PAX3: variants seen among roughly 807,000 people sequenced by gnomAD.
PAX3 encodes paired box 3, also known as paired box protein Pax-3.
In PAX3, 14 loss-of-function variants were observed where a neutral mutation model predicts 51.6. The ratio of observed to expected loss-of-function variants is 0.27; its 90% CI spans 0.18 to 0.42. The LOEUF (loss-of-function observed/expected upper bound fraction) is 0.42. Ranked by LOEUF, PAX3 falls within the 10% of genes least tolerant of loss-of-function variation. PAX3 has a pLI of 1.00. For synonymous variants in PAX3, 280 were observed against 253.4 expected (o/e 1.11, Z -1.00); for missense variants, 540 against 642.8 (o/e 0.84, Z 1.73).
At position 222,200,352 on chromosome 2, in the gene PAX3, A is replaced by G. The variant is rs1378262703; in HGVS notation, c.*1056T>C. 4.5e-6 allele frequency: 1 copy of G among 223,882 alleles called. No individual in the cohort carries two copies. Among genetic ancestry groups the G allele is most frequent in the African/African-American group, 2.2e-5 (1 of 44,844 alleles). The allele number at this position is 223,882 out of a possible 1,614,324, so 13.9% of individuals were successfully genotyped here. A position where few individuals can be genotyped will look rare whatever the true frequency, so the allele number is the denominator to read the frequency against. On this transcript the variant is annotated 3_prime_UTR_variant, in exon 9 of 9. Transcript: ENST00000392070. ...TTGCCCTGCCTTTCATAGAAAAGAG[A>G]AGAATGTAAACGTAATCAGTTTAAA... is the stretch of plus-strand genomic sequence containing the variant.
At chr2:222,291,092 C>T (rs945234270) in intron 4 of PAX3, among the ~76,000 whole-genome samples, 32 of 152,170 alleles carry the variant, frequency 2.1e-4, no homozygotes, top group African/African-American at 7.7e-4. Flanking sequence ...GCGCAGAGCA[C>T]AGGAGTGGGG....
intron 7 of PAX3, among the ~76,000 whole-genome samples, chr2:222,210,598 A>G (rs1691687689): frequency 6.6e-6 from 1 of 152,140 alleles, no homozygotes; most frequent in African/African-American, 2.4e-5. Flanking sequence ...AGTTTTCATT[A>G]TAGTGGGTTC....
intron 4 of PAX3, among the ~76,000 whole-genome samples, chr2:222,261,483 G>A (rs906110201): frequency 6.6e-6 from 1 of 151,718 alleles, no homozygotes; most frequent in Non-Finnish European, 1.5e-5. Context: ...ACTATGCAAT[G>A]AAATTCTACA....
At chr2:222,245,195 G>A (rs139156568) in intron 4 of PAX3, among the ~76,000 whole-genome samples, 1 of 152,244 alleles carries the variant, frequency 6.6e-6, no homozygotes, top group African/African-American at 2.4e-5. Context: ...AGCTATGAAA[G>A]TAAATAAATT....
chr2:222,229,286 GTAT>G (rs1692498349), intron 5 of PAX3, among the ~76,000 whole-genome samples: 3 of 149,600 alleles, frequency 2.0e-5, no homozygotes, highest in East Asian at 3.9e-4. Context: ...TATTTATATA[GTAT>G]TATATAATAT....
chr2:222,280,084 G>A (rs775050273), intron 4 of PAX3, among the ~76,000 whole-genome samples: 8 of 151,952 alleles, frequency 5.3e-5, no homozygotes, highest in Admixed American at 3.3e-4. Flanking sequence ...GGTGGTGCGC[G>A]CCTGTAATCC....
Position 222,281,561 on chromosome 2 carries a change from T to C in PAX3, c.586+12606A>G, listed in dbSNP as rs550513005. Among the ~76,000 whole-genome samples the C allele has an allele frequency of 1.1e-4, 16 of 152,338 alleles. No homozygotes were observed. In the South Asian group the frequency reaches 1.4e-3, roughly 14 times the overall value. On this transcript the variant is annotated intron_variant, in intron 4 of 8. Coordinates refer to ENST00000392070, the MANE Select transcript of PAX3 (RefSeq NM_181458.4). Reference sequence around the variant, plus strand: ...TCAGTAACCTAAAGCTTGGCCACTATGGGCCTAGAAGCAAATTATTTTATA... The same window carrying C: ...TCAGTAACCTAAAGCTTGGCCACTACGGGCCTAGAAGCAAATTATTTTATA...
chr2:222,202,272 A>G, intron 7 of PAX3, 82 bp from the exon 8 acceptor site: 1 of 1,077,190 alleles, frequency 9.3e-7, no homozygotes, highest in Admixed American at 2.0e-5. Flanking sequence ...ATAACTTGAC[A>G]GTCCAGTTTT....
intron 4 of PAX3, among the ~76,000 whole-genome samples, chr2:222,255,754 G>C (rs1693613697): frequency 6.6e-6 from 1 of 150,834 alleles, no homozygotes; most frequent in Non-Finnish European, 1.5e-5. Context: ...GTCTGTAATA[G>C]AATAGTAACA....
intron 4 of PAX3, among the ~76,000 whole-genome samples, chr2:222,249,406 A>G (rs974495725): frequency 6.6e-6 from 1 of 151,956 alleles, no homozygotes; most frequent in African/African-American, 2.4e-5. Flanking sequence ...TCCCATTTTC[A>G]TCTTCAGTCT....
chr2:222,202,613 A>G (rs941190405), intron 7 of PAX3, among the ~76,000 whole-genome samples: 7 of 152,202 alleles, frequency 4.6e-5, no homozygotes, highest in Non-Finnish European at 1.5e-5. Flanking sequence ...GTGATTTTTA[A>G]ACAGTCATTT....
chr2:222,298,598 G>T lies in PAX3; in HGVS notation c.18C>A (p.Gly6=). The change falls in exon 1 of 9, where the codon GGC becomes GGA. Residue 6 remains glycine, a synonymous_variant. Transcript: ENST00000392070. ...CCGGCCGCATCATCCTGGGCACAGCGCCGGCCAGCGTGGTCATCCTGGGGG... is the reference window on the plus strand; with the variant it reads ...CCGGCCGCATCATCCTGGGCACAGCTCCGGCCAGCGTGGTCATCCTGGGGG... MTTLA[G]AVPRMMRPGP... 1 of 1,606,590 alleles carries T rather than the reference G, an allele frequency of 6.2e-7. No individual in the cohort carries two copies. Among genetic ancestry groups the T allele is most frequent in the Non-Finnish European group, 8.5e-7 (1 of 1,176,960 alleles).
intron 4 of PAX3, among the ~76,000 whole-genome samples, chr2:222,266,615 T>C (rs1694064223): frequency 6.6e-6 from 1 of 152,238 alleles, no homozygotes; most frequent in African/African-American, 2.4e-5. Context: ...TAACAGCTGC[T>C]ACACAATCTC....
intron 4 of PAX3, among the ~76,000 whole-genome samples, chr2:222,266,018 G>T (rs1444195721): frequency 6.6e-6 from 1 of 152,160 alleles, no homozygotes; most frequent in Non-Finnish European, 1.5e-5. Flanking sequence ...CAGGTTTTGC[G>T]GAGCTTGAAG....
intron 4 of PAX3, chr2:222,264,206 C>T (rs1292682362): frequency 6.6e-6 from 1 of 152,172 alleles, no homozygotes; most frequent in East Asian, 1.9e-4. Flanking sequence ...GAATATTATT[C>T]AGCCATAAAA....
In PAX3 at chr2:222,201,724, G is replaced by A. The variant is rs45624434; in HGVS notation, c.1420+220C>T. 2.1e-3 allele frequency: 3,011 copies of A among 1,459,256 alleles called. 50 individuals carry two copies. The African/African-American group carries it at 0.038, about 19-fold the overall frequency. The allele number at this position is 1,459,256 out of a possible 1,614,324, so 90.4% of individuals were successfully genotyped here. On this transcript the variant is annotated intron_variant, in intron 8 of 8. Transcript: ENST00000392070. ...TTACCTAGTGGCAATCAGGTTTCAC[G>A]TCTCAACAATTAATAACCGCAAGAT...
At chr2:222,252,365 C>T (rs1693467389) in intron 4 of PAX3, among the ~76,000 whole-genome samples, 1 of 152,282 alleles carries the variant, frequency 6.6e-6, no homozygotes, top group Non-Finnish European at 1.5e-5. Context: ...TGCTTTCCCT[C>T]ATCCAATTTT....
chr2:222,260,565 G>GTTTTTT (rs869129158), intron 4 of PAX3, among the ~76,000 whole-genome samples: 7 of 55,858 alleles, frequency 1.3e-4, no homozygotes, highest in Non-Finnish European at 1.8e-4. Flanking sequence ...TTTTTTTTTT[G>GTTTTTT]TTTTTTTTTT....
intron 4 of PAX3, among the ~76,000 whole-genome samples, chr2:222,282,919 A>G (rs560162113): frequency 1.3e-4 from 20 of 152,240 alleles, no homozygotes; most frequent in Non-Finnish European, 2.2e-4. Context: ...TCCTACTCAG[A>G]TATAGGGATA....
Sources: allele counts gnomAD v4.1 joint callset (sites outside exome capture counted in the v4.1 genomes callset), GRCh38; gene constraint gnomAD v4.1.1; transcripts MANE v1.5; gene names NCBI Gene and HGNC (gene_info 2026-07-23, HGNC 2026-07-21).